Variants in HTR4 observed in about 807,000 individuals in gnomAD.
HTR4 encodes 5-hydroxytryptamine receptor 4.
HTR4 carries 16 observed loss-of-function variants against 36.8 expected under a neutral mutation model. The ratio of observed to expected loss-of-function variants is 0.43; its 90% CI spans 0.29 to 0.66. HTR4 has a LOEUF of 0.66. Ranked by LOEUF, HTR4 falls within the 30% of genes least tolerant of loss-of-function variation. The probability of loss-of-function intolerance (pLI) is 0.13; values close to 1 mark genes in which losing one functional copy is unlikely to be tolerated. For synonymous variants in HTR4, 189 were observed against 185.1 expected, an observed-to-expected ratio of 1.02 and a Z score of -0.17; for missense variants, 438 against 490.9, an observed-to-expected ratio of 0.89 and a Z score of 1.02.
chr5:148,621,439 A>T (rs1437394877), intron 2 of HTR4, among the ~76,000 whole-genome samples: 1 of 152,182 alleles, frequency 6.6e-6, no homozygotes, highest in Admixed American at 6.5e-5. Flanking sequence ...TTCCACTAGA[A>T]TCTACCACCT....
chr5:148,587,563 G>A (rs981668646), intron 2 of HTR4, among the ~76,000 whole-genome samples: 1 of 152,156 alleles, frequency 6.6e-6, no homozygotes, highest in Admixed American at 6.5e-5. Flanking sequence ...CCTCCCAGTA[G>A]AACTCTGGAA....
downstream of HTR4, among the ~76,000 whole-genome samples, chr5:148,477,883 A>G (rs1168155402): frequency 6.6e-6 from 1 of 151,664 alleles, no homozygotes; most frequent in Non-Finnish European, 1.5e-5. Context: ...TATATGCCTG[A>G]CTCCTTAGAA....
At chr5:148,492,826 A>C (rs950138023) in intron 6 of HTR4, among the ~76,000 whole-genome samples, 1 of 152,336 alleles carries the variant, frequency 6.6e-6, no homozygotes. Context: ...ACAGGACTGA[A>C]ACCCAGGTGG....
chr5:148,541,821 G>A (rs1293522117), intron 4 of HTR4, among the ~76,000 whole-genome samples: 1 of 152,074 alleles, frequency 6.6e-6, no homozygotes, highest in Non-Finnish European at 1.5e-5. Flanking sequence ...GCGTTTTCAG[G>A]AGCAGCCACT....
intron 6 of HTR4, among the ~76,000 whole-genome samples, chr5:148,507,229 A>C (rs1018782867): frequency 6.6e-6 from 1 of 150,924 alleles, no homozygotes; most frequent in Admixed American, 6.6e-5. Context: ...TTGTAGGGAC[A>C]TGGATGAAGC....
At chr5:148,607,410 G>A (rs1291319533) in intron 2 of HTR4, among the ~76,000 whole-genome samples, 3 of 152,180 alleles carry the variant, frequency 2.0e-5, no homozygotes, top group Non-Finnish European at 2.9e-5. Context: ...GATGCATGCT[G>A]TACAGGGCTC....
intron 2 of HTR4, among the ~76,000 whole-genome samples, chr5:148,583,504 TACTC>T (rs1029846715): frequency 6.6e-6 from 1 of 151,946 alleles, no homozygotes; most frequent in Non-Finnish European, 1.5e-5. Flanking sequence ...AGGCTAATAA[TACTC>T]ATATTTTACA....
rs1178776592 is a variant in HTR4 at position 148,629,768 on chromosome 5, C to T, written c.26+7221G>A. 4 of 152,190 alleles carry T rather than the reference C, an allele frequency of 2.6e-5. No homozygotes were observed. The highest frequency in any genetic ancestry group is 1.9e-4 in the East Asian group (1 of 5,192). The allele number at this position is 152,190 out of a possible 1,614,324, so 9.4% of individuals were successfully genotyped here. A position where few individuals can be genotyped will look rare whatever the true frequency, so the allele number is the denominator to read the frequency against. ...TTTCTGAAGCCGGGTGAAGCAGCCT[C>T]CACAGCAGTAAGTTCCAGAAGAAAC... On this transcript the variant is annotated intron_variant, in intron 2 of 6. Coordinates refer to ENST00000377888, the MANE Select transcript of HTR4 (RefSeq NM_000870.7).
chr5:148,596,802 A>C (rs1272468776), intron 2 of HTR4, among the ~76,000 whole-genome samples: 1 of 150,336 alleles, frequency 6.7e-6, no homozygotes, highest in Non-Finnish European at 1.5e-5. Flanking sequence ...TTCATTCTGC[A>C]TATATTTTAC....
intron 5 of HTR4, among the ~76,000 whole-genome samples, chr5:148,467,765 G>A (rs1220878477): frequency 1.3e-5 from 2 of 152,090 alleles, no homozygotes; most frequent in African/African-American, 2.4e-5. Flanking sequence ...TCACTGGCTC[G>A]AATGACCATG....
At chr5:148,531,954 C>T (rs1416974518) in intron 4 of HTR4, among the ~76,000 whole-genome samples, 1 of 152,096 alleles carries the variant, frequency 6.6e-6, no homozygotes, top group Non-Finnish European at 1.5e-5. Flanking sequence ...CTACTGGCAT[C>T]CAGTGGGTAG....
intron 5 of HTR4, among the ~76,000 whole-genome samples, chr5:148,459,786 G>A (rs1755219859): frequency 6.6e-6 from 1 of 152,150 alleles, no homozygotes; most frequent in South Asian, 2.1e-4. Context: ...CACACAGTTG[G>A]AGAGGCCAGC....
intron 4 of HTR4, among the ~76,000 whole-genome samples, chr5:148,546,266 G>C (rs1289420471): frequency 6.6e-6 from 1 of 152,152 alleles, no homozygotes; most frequent in African/African-American, 2.4e-5. Context: ...GGGCCAAAGT[G>C]ATGCCTTAAA....
chr5:148,570,243 T>C (rs928121230), intron 2 of HTR4, among the ~76,000 whole-genome samples: 1 of 152,090 alleles, frequency 6.6e-6, no homozygotes, highest in African/African-American at 2.4e-5. Context: ...CTTAATCATA[T>C]CTAGATGCAC....
intron 4 of HTR4, among the ~76,000 whole-genome samples, chr5:148,537,718 A>C (rs1360901052): frequency 6.6e-6 from 1 of 152,148 alleles, no homozygotes; most frequent in African/African-American, 2.4e-5. Flanking sequence ...ACCAATGATT[A>C]GCTCTGAAAT....
At chr5:148,527,503 C>T (rs1758341080) in intron 4 of HTR4, among the ~76,000 whole-genome samples, 1 of 152,226 alleles carries the variant, frequency 6.6e-6, no homozygotes, top group East Asian at 1.9e-4. Context: ...ATTTGCCTTA[C>T]CCTAGATTTC....
chr5:148,628,034 G>A (rs917366068), intron 2 of HTR4, among the ~76,000 whole-genome samples: 15 of 152,082 alleles, frequency 9.9e-5, no homozygotes, highest in African/African-American at 3.6e-4. Context: ...CAGACAACAG[G>A]GACTCACAGT....
intron 5 of HTR4, among the ~76,000 whole-genome samples, chr5:148,453,819 G>C (rs779706731): frequency 2.6e-5 from 4 of 152,152 alleles, no homozygotes; most frequent in Admixed American, 6.5e-5. Context: ...GAATATATGG[G>C]ATGGAGGTAA....
At chr5:148,474,099 T>G (rs1455974883), downstream of HTR4, among the ~76,000 whole-genome samples, 1 of 152,110 alleles carries the variant, frequency 6.6e-6, no homozygotes, top group Non-Finnish European at 1.5e-5. Flanking sequence ...TTCCACTGAC[T>G]CATATCCCTT....
Sources: gnomAD v4.1 joint callset for allele counts (sites outside exome capture counted in the v4.1 genomes callset) on GRCh38, gnomAD v4.1.1 for gene constraint, MANE v1.5 for transcripts, NCBI Gene and HGNC (gene_info 2026-07-23, HGNC 2026-07-21) for gene names.